PCCA: variants seen among roughly 807,000 people sequenced by gnomAD.
The protein encoded by PCCA is propionyl-CoA carboxylase alpha chain, mitochondrial.
A neutral mutation model predicts 101.3 loss-of-function variants in PCCA; 74 were observed. The ratio of observed to expected loss-of-function variants is 0.73; its 90% CI spans 0.61 to 0.89. The LOEUF (loss-of-function observed/expected upper bound fraction) is 0.89. Among genes scored for constraint, PCCA ranks in the 40% least tolerant of loss-of-function variants. The probability of loss-of-function intolerance (pLI) is 0.00; values close to 1 mark genes in which losing one functional copy is unlikely to be tolerated. For synonymous variants in PCCA, 294 were observed against 313.6 expected (o/e 0.94, Z 0.66); for missense variants, 891 against 907.0 (o/e 0.98, Z 0.23).
At chr13:100,151,620 A>G (rs2053334723) in intron 4 of PCCA, among the ~76,000 whole-genome samples, 1 of 152,042 alleles carries the variant, frequency 6.6e-6, no homozygotes, top group African/African-American at 2.4e-5. Flanking sequence ...CAGAAAACAA[A>G]ACAAAACAAA....
chr13:100,292,041 C>T (rs1437143237), intron 12 of PCCA, among the ~76,000 whole-genome samples: 1 of 152,158 alleles, frequency 6.6e-6, no homozygotes, highest in Non-Finnish European at 1.5e-5. Context: ...AGATAGACAG[C>T]ATGGAGTTTG....
At chr13:100,146,965 T>A (rs1417139519) in intron 4 of PCCA, among the ~76,000 whole-genome samples, 1 of 151,060 alleles carries the variant, frequency 6.6e-6, no homozygotes, top group East Asian at 1.9e-4. Context: ...TCATCTAGAT[T>A]ACTAGAAATA....
intron 19 of PCCA, among the ~76,000 whole-genome samples, chr13:100,385,429 A>G (rs1946044006): frequency 6.6e-6 from 1 of 152,158 alleles, no homozygotes. Context: ...ACAAATCAAT[A>G]TGAAAATGAA....
At chr13:100,253,259 G>C (rs2061869269) in intron 8 of PCCA, among the ~76,000 whole-genome samples, 2 of 152,136 alleles carry the variant, frequency 1.3e-5, no homozygotes, top group South Asian at 4.2e-4. Flanking sequence ...AAGTAGCCGG[G>C]ATTAGAGGTG....
At chr13:100,206,871 T>C (rs1170346598) in intron 6 of PCCA, among the ~76,000 whole-genome samples, 1 of 152,156 alleles carries the variant, frequency 6.6e-6, no homozygotes, top group Non-Finnish European at 1.5e-5. Context: ...AGGAGCATCC[T>C]CATCCCCATA....
chr13:100,515,017 C>T (rs1322385393), intron 21 of PCCA, among the ~76,000 whole-genome samples: 1 of 152,226 alleles, frequency 6.6e-6, no homozygotes. Context: ...CCATCTGCTG[C>T]CATCTACTGG....
Position 100,301,575 on chromosome 13 carries a change from G to C in PCCA, c.1181G>C (p.Trp394Ser). The C allele has an allele frequency of 6.8e-6, 11 of 1,614,036 alleles. No individual in the cohort carries two copies. Among genetic ancestry groups the C allele is most frequent in the Non-Finnish European group, 9.3e-6 (11 of 1,179,938 alleles). ...HKQADIRING[W>S]AVECRVYAED... ...CAAGCTGATATTCGCATCAACGGCT[G>C]GGCAGTTGAATGTCGGGTTTATGCT... Residue 394 changes from tryptophan (W) to serine (S), a missense_variant, in exon 13 of 24, where the codon TGG becomes TCG. Coordinates refer to ENST00000376285, the MANE Select transcript of PCCA (RefSeq NM_000282.4).
intron 1 of PCCA, among the ~76,000 whole-genome samples, chr13:100,092,351 A>T (rs2046355514): frequency 6.6e-6 from 1 of 151,782 alleles, no homozygotes; most frequent in South Asian, 2.1e-4. Flanking sequence ...TTTGAACCTT[A>T]GATAATATGA....
chr13:100,154,927 G>C, intron 4 of PCCA, 52 bp from the exon 5 acceptor site: 1 of 1,148,130 alleles, frequency 8.7e-7, no homozygotes, highest in Middle Eastern at 1.9e-4. Flanking sequence ...TGCAGATGAT[G>C]GTAATTCTTT....
intron 14 of PCCA, among the ~76,000 whole-genome samples, chr13:100,304,167 A>G (rs2066282371): frequency 6.6e-6 from 1 of 152,176 alleles, no homozygotes; most frequent in South Asian, 2.1e-4. Flanking sequence ...ATCCCACCAA[A>G]TCTTTCTTCA....
intron 19 of PCCA, among the ~76,000 whole-genome samples, chr13:100,376,538 A>G (rs1238792485): frequency 1.3e-5 from 2 of 152,188 alleles, no homozygotes; most frequent in East Asian, 1.9e-4. Context: ...TCTTTCAGAG[A>G]TGCCTTGCCT....
At chr13:100,523,079 C>CA (rs1224712648) in intron 22 of PCCA, among the ~76,000 whole-genome samples, 2 of 152,162 alleles carry the variant, frequency 1.3e-5, no homozygotes, top group Admixed American at 6.5e-5. Flanking sequence ...GTGGTCATGG[C>CA]AGTCTGCAGT....
At chr13:100,364,870 G>A (rs2075008626) in intron 18 of PCCA, among the ~76,000 whole-genome samples, 1 of 149,304 alleles carries the variant, frequency 6.7e-6, no homozygotes, top group African/African-American at 2.5e-5. Flanking sequence ...GGGCGTCATA[G>A]CGAGATCCAC....
intron 5 of PCCA, among the ~76,000 whole-genome samples, chr13:100,156,558 C>T (rs956721131): frequency 1.3e-5 from 2 of 152,070 alleles, no homozygotes; most frequent in Non-Finnish European, 2.9e-5. Context: ...TTGGATCAGG[C>T]TGGTAGATTG....
intron 7 of PCCA, among the ~76,000 whole-genome samples, chr13:100,228,125 C>T (rs894041098): frequency 6.6e-6 from 1 of 152,114 alleles, no homozygotes; most frequent in East Asian, 1.9e-4. Context: ...AATCAATTCC[C>T]CTGCCTCAGC....
intron 19 of PCCA, among the ~76,000 whole-genome samples, chr13:100,387,628 G>C (rs1164145235): frequency 6.6e-6 from 1 of 152,178 alleles, no homozygotes; most frequent in Non-Finnish European, 1.5e-5. Context: ...GAGGGGGTTG[G>C]ATAAACAAGG....
At chr13:100,454,691 A>G (rs901427614) in intron 21 of PCCA, among the ~76,000 whole-genome samples, 2 of 152,230 alleles carry the variant, frequency 1.3e-5, no homozygotes, top group Non-Finnish European at 2.9e-5. Context: ...ATGATCTTCA[A>G]TGTTCAAAGG....
At chr13:100,470,975 A>G (rs904145570) in intron 21 of PCCA, among the ~76,000 whole-genome samples, 2 of 152,176 alleles carry the variant, frequency 1.3e-5, no homozygotes, top group Non-Finnish European at 2.9e-5. Context: ...TTTCCTTTGC[A>G]TTTACAACTT....
chr13:100,168,008 C>T lies in PCCA; in HGVS notation c.468+10668C>T, dbSNP rs534484626. ...CATGTATTACTAATCCTGCTGAGGC[C>T]GTCTTGGTGTGACCTCCTTCCTCAC... On this transcript the variant is annotated intron_variant, in intron 6 of 23. Transcript: ENST00000376285. Among the ~76,000 whole-genome samples, 5 of 152,124 alleles carry T rather than the reference C, an allele frequency of 3.3e-5. No individual in the cohort carries two copies. The South Asian group carries it at 6.2e-4, about 19-fold the overall frequency.
Sources: gnomAD v4.1 joint callset for allele counts (sites outside exome capture counted in the v4.1 genomes callset) on GRCh38, gnomAD v4.1.1 for gene constraint, MANE v1.5 for transcripts, NCBI Gene and HGNC (gene_info 2026-07-23, HGNC 2026-07-21) for gene names.